ITGB5: variants seen among roughly 807,000 people sequenced by gnomAD.
The protein encoded by ITGB5 is integrin subunit beta 5.
Under a neutral mutation model 84.8 loss-of-function variants are expected in ITGB5, and 38 were observed. The observed-to-expected ratio is 0.45, with a 90% confidence interval of 0.35 to 0.59. The LOEUF (loss-of-function observed/expected upper bound fraction) is 0.59. ITGB5 is among the 20% of genes least tolerant of loss of function. The pLI, the probability that ITGB5 is intolerant of heterozygous loss-of-function variation, is 0.01. For missense variants in ITGB5, 905 were observed against 1,034.5 expected (o/e 0.87, Z 1.72); for synonymous variants, 393 against 414.4 (o/e 0.95, Z 0.63).
At chr3:124,799,774 G>C (rs572258672) in intron 9 of ITGB5, among the ~76,000 whole-genome samples, 2 of 152,116 alleles carry the variant, frequency 1.3e-5, no homozygotes, top group African/African-American at 2.4e-5. Context: ...CCTAGAGCAG[G>C]GCCCGCGCTC....
intron 2 of ITGB5, among the ~76,000 whole-genome samples, chr3:124,864,050 A>AAG (rs1553766448): frequency 0.091 from 12,556 of 137,262 alleles, 804 homozygotes; most frequent in Non-Finnish European, 0.13. Context: ...AGAAAAAAGA[A>AAG]AAAGAAAGAA....
intron 11 of ITGB5, among the ~76,000 whole-genome samples, chr3:124,771,803 C>T (rs567399632): frequency 1.2e-4 from 18 of 149,792 alleles, no homozygotes; most frequent in Non-Finnish European, 2.5e-4. Flanking sequence ...TCTCTTTGCT[C>T]TCCTTGCTCC....
intron 3 of ITGB5, among the ~76,000 whole-genome samples, chr3:124,855,033 C>T (rs766494557): frequency 5.5e-4 from 83 of 152,230 alleles, no homozygotes; most frequent in Admixed American, 9.8e-4. Context: ...ACAATGGAGG[C>T]CCAGCGCAGT....
At chr3:124,767,071 A>G (rs2063778140) in intron 12 of ITGB5, among the ~76,000 whole-genome samples, 1 of 152,176 alleles carries the variant, frequency 6.6e-6, no homozygotes, top group African/African-American at 2.4e-5. Flanking sequence ...CATTACCTAC[A>G]TTCCAAGGCT....
chr3:124,875,956 G>A (rs2047574), intron 1 of ITGB5, among the ~76,000 whole-genome samples: 124,532 of 152,132 alleles, frequency 0.82, 51,090 homozygotes, highest in African/African-American at 0.86. Context: ...TCAGAAATAC[G>A]GAGAGTAAAA....
chr3:124,846,848 C>G (rs992957727), intron 4 of ITGB5, among the ~76,000 whole-genome samples: 4 of 152,064 alleles, frequency 2.6e-5, no homozygotes, highest in Non-Finnish European at 5.9e-5. Flanking sequence ...GCAGGAGAAT[C>G]GGCTTGAACC....
Position 124,841,619 on chromosome 3 carries a change from C to A in ITGB5, c.612-68G>T, listed in dbSNP as rs1007709572. 122 of 1,529,164 alleles carry A rather than the reference C, an allele frequency of 8.0e-5. No homozygotes were observed. In the African/African-American group the frequency reaches 1.2e-3, roughly 15 times the overall value. 94.7% of individuals were successfully genotyped at this position (1,529,164 alleles called of 1,614,324 possible). A position where few individuals can be genotyped will look rare whatever the true frequency, so the allele number is the denominator to read the frequency against. On this transcript the variant is annotated intron_variant, in intron 4 of 14. Transcript: ENST00000296181. ...GTAAATCTTAACCAAGTGTTCTGAG[C>A]ATTCACTGAGTGCCTTGAGAGGCAC...
intron 10 of ITGB5, among the ~76,000 whole-genome samples, chr3:124,778,596 T>C (rs1467790166): frequency 3.9e-5 from 6 of 151,986 alleles, no homozygotes; most frequent in Non-Finnish European, 8.8e-5. Flanking sequence ...TGTAAGGAGG[T>C]GGTGACAGTG....
At chr3:124,829,756 A>T (rs539666302) in intron 5 of ITGB5, among the ~76,000 whole-genome samples, 24 of 152,250 alleles carry the variant, frequency 1.6e-4, no homozygotes, top group South Asian at 8.3e-4. Flanking sequence ...TTCCATTGTC[A>T]CTGTCTCCTC....
intron 2 of ITGB5, among the ~76,000 whole-genome samples, chr3:124,868,214 C>T (rs2065420921): frequency 6.6e-6 from 1 of 151,518 alleles, no homozygotes; most frequent in African/African-American, 2.4e-5. Flanking sequence ...ATTACCCAGT[C>T]TTGGGTATTT....
At position 124,848,517 on chromosome 3, in the gene ITGB5, C is replaced by T. The variant is rs760168729; in HGVS notation, c.403G>A (p.Asp135Asn). Residue 135 changes from aspartate to asparagine, a missense_variant, in exon 4 of 15, where the codon GAC (aspartate) becomes AAC (asparagine). By Grantham distance (23) the Asp-to-Asn change is conservative. Coordinates refer to ENST00000296181, the MANE Select transcript of ITGB5 (RefSeq NM_002213.5). Reference sequence around the variant, plus strand: ...AGGTAGTACAGGTCCACAGGATAGTCCTCCACCTGGCGAACCTGTAGCTGG... The same window carrying T: ...AGGTAGTACAGGTCCACAGGATAGTTCTCCACCTGGCGAACCTGTAGCTGG... ...TFQLQVRQVE[D>N]YPVDLYYLMD... is the part of the protein sequence containing the mutation. The T allele has an allele frequency of 1.9e-6, 3 of 1,613,832 alleles. No individual in the cohort carries two copies. In the East Asian group the frequency reaches 6.7e-5, roughly 36 times the overall value.
At chr3:124,877,821 C>T (rs990331714) in intron 1 of ITGB5, among the ~76,000 whole-genome samples, 1 of 151,306 alleles carries the variant, frequency 6.6e-6, no homozygotes, top group Admixed American at 6.6e-5. Context: ...GGTCAAAGGC[C>T]TCACGTAGGA....
chr3:124,860,017 C>A (rs963017201), intron 2 of ITGB5, among the ~76,000 whole-genome samples: 1 of 152,094 alleles, frequency 6.6e-6, no homozygotes, highest in Non-Finnish European at 1.5e-5. Context: ...AAGAGTTAAC[C>A]TTTAAGTTGT....
chr3:124,763,435 C>T lies in ITGB5; in HGVS notation c.*188G>A. Reference sequence around the variant, plus strand: ...GGACGCAGCCTGGCATGGCTCTGGCCTAGCAGCCAGGTGACATGGCCAGGC... The same window carrying T: ...GGACGCAGCCTGGCATGGCTCTGGCTTAGCAGCCAGGTGACATGGCCAGGC... On this transcript the variant is annotated 3_prime_UTR_variant, in exon 15 of 15. Transcript: ENST00000296181. The T allele has an allele frequency of 2.0e-6, 1 of 489,436 alleles. No homozygotes were observed. The highest frequency in any genetic ancestry group is 3.7e-6 in the Non-Finnish European group (1 of 271,964). The allele number at this position is 489,436 out of a possible 1,614,324, so 30.3% of individuals were successfully genotyped here.
At chr3:124,896,144 G>A (rs1935097253) in intron 1 of ITGB5, among the ~76,000 whole-genome samples, 1 of 152,180 alleles carries the variant, frequency 6.6e-6, no homozygotes, top group Non-Finnish European at 1.5e-5. Flanking sequence ...TGTCTTACGG[G>A]TGGACTCTAA....
chr3:124,781,498 TA>T (rs1356984052), intron 10 of ITGB5, among the ~76,000 whole-genome samples: 1 of 152,104 alleles, frequency 6.6e-6, no homozygotes. Context: ...GTAGAAAAAG[TA>T]AAGAACAGAG....
At chr3:124,802,039 A>G (rs758878545) in intron 9 of ITGB5, among the ~76,000 whole-genome samples, 7 of 152,166 alleles carry the variant, frequency 4.6e-5, no homozygotes, top group Non-Finnish European at 1.0e-4. Flanking sequence ...CAGCTCCAAC[A>G]GCTCCCTCTG....
chr3:124,878,978 C>T (rs1934454759), intron 1 of ITGB5, among the ~76,000 whole-genome samples: 2 of 152,134 alleles, frequency 1.3e-5, no homozygotes, highest in African/African-American at 4.8e-5. Flanking sequence ...TCTCTTTTGC[C>T]TCACGTCTCT....
intron 4 of ITGB5, among the ~76,000 whole-genome samples, chr3:124,842,943 G>C (rs1409624702): frequency 6.6e-6 from 1 of 152,086 alleles, no homozygotes; most frequent in Non-Finnish European, 1.5e-5. Flanking sequence ...CCCAGCAACA[G>C]GCCCACCCTG....
Sources: gnomAD v4.1 joint callset for allele counts (sites outside exome capture counted in the v4.1 genomes callset) on GRCh38, gnomAD v4.1.1 for gene constraint, MANE v1.5 for transcripts, NCBI Gene and HGNC (gene_info 2026-07-23, HGNC 2026-07-21) for gene names.